The following CTNNA2 variants were observed in gnomAD, a reference collection of about 807,000 sequenced individuals.
CTNNA2 encodes the protein catenin alpha-2.
CTNNA2 carries 42 observed loss-of-function variants against 101.0 expected under a neutral mutation model. The observed-to-expected ratio is 0.42, with a 90% CI of 0.32 to 0.54. CTNNA2 has a LOEUF of 0.54. Ranked by LOEUF, CTNNA2 falls within the 20% of genes least tolerant of loss-of-function variation. The probability of loss-of-function intolerance (pLI) is 0.14; values close to 1 mark genes in which losing one functional copy is unlikely to be tolerated. For synonymous variants in CTNNA2, 450 were observed against 456.4 expected (o/e 0.99, Z 0.18); for missense variants, 871 against 1,223.1 (o/e 0.71, Z 4.29).
chr2:79,612,764 G>A (rs375288946), intron 1 of CTNNA2, among the ~76,000 whole-genome samples: 136 of 152,178 alleles, frequency 8.9e-4, no homozygotes, highest in South Asian at 4.8e-3. Context: ...GTAATGTAAA[G>A]AATGAATCAA....
At chr2:79,958,637 C>T (rs1689409893) in intron 7 of CTNNA2, among the ~76,000 whole-genome samples, 1 of 152,106 alleles carries the variant, frequency 6.6e-6, no homozygotes, top group Admixed American at 6.5e-5. Context: ...GATTTTAGTC[C>T]AGTGAGACCC....
chr2:80,210,225 T>A (rs907294032), intron 7 of CTNNA2, among the ~76,000 whole-genome samples: 4 of 152,238 alleles, frequency 2.6e-5, no homozygotes, highest in African/African-American at 9.6e-5. Context: ...TCTTTCTTTT[T>A]TATTAGACTT....
At chr2:80,116,902 A>T (rs1024055392) in intron 7 of CTNNA2, among the ~76,000 whole-genome samples, 22 of 143,628 alleles carry the variant, frequency 1.5e-4, no homozygotes, top group Admixed American at 7.0e-4. Flanking sequence ...AGAAGAAAAT[A>T]GTGTGTGTGT....
At chr2:80,300,333 T>A (rs1573636475) in intron 7 of CTNNA2, among the ~76,000 whole-genome samples, 1 of 132,596 alleles carries the variant, frequency 7.5e-6, no homozygotes, top group African/African-American at 2.7e-5. Context: ...TGTGTGTGTG[T>A]AAGAAGCTGT....
At chr2:79,849,349 C>CA (rs1680492324) in intron 3 of CTNNA2, among the ~76,000 whole-genome samples, 1 of 151,186 alleles carries the variant, frequency 6.6e-6, no homozygotes, top group South Asian at 2.1e-4. Context: ...TTATTTAAGC[C>CA]AAATATTATC....
chr2:79,943,248 C>T (rs976354836), intron 7 of CTNNA2, among the ~76,000 whole-genome samples: 1 of 151,538 alleles, frequency 6.6e-6, no homozygotes, highest in African/African-American at 2.4e-5. Context: ...ACACTTAGTT[C>T]ATAAAACAAC....
chr2:80,490,768 AT>A (rs1236507456), intron 9 of CTNNA2, among the ~76,000 whole-genome samples: 1 of 152,116 alleles, frequency 6.6e-6, no homozygotes, highest in Non-Finnish European at 1.5e-5. Context: ...GTCGCTGACA[AT>A]TTTTTTCTTG....
chr2:80,174,498 A>G (rs1705273629), intron 7 of CTNNA2, among the ~76,000 whole-genome samples: 1 of 152,072 alleles, frequency 6.6e-6, no homozygotes, highest in African/African-American at 2.4e-5. Context: ...GCTCATTTAC[A>G]CAATCCTAGG....
At chr2:79,383,187 G>T (rs1018417845) in intron 4 of CTNNA2, among the ~76,000 whole-genome samples, 1 of 152,192 alleles carries the variant, frequency 6.6e-6, no homozygotes, top group African/African-American at 2.4e-5. Flanking sequence ...AAGATAAAGT[G>T]CCTTTCAGAA....
intron 9 of CTNNA2, among the ~76,000 whole-genome samples, chr2:80,483,500 C>T (rs139738696): frequency 2.0e-5 from 3 of 152,054 alleles, no homozygotes; most frequent in Non-Finnish European, 2.9e-5. Flanking sequence ...TAATTCAACT[C>T]ATTCAATCCT....
At chr2:79,560,154 A>T (rs957576668) in intron 1 of CTNNA2, among the ~76,000 whole-genome samples, 2 of 151,270 alleles carry the variant, frequency 1.3e-5, no homozygotes, top group Non-Finnish European at 2.9e-5. Context: ...GTGGCTTTTT[A>T]AACAGTATTA....
At chr2:79,526,263 G>A (rs2103902639) in intron 1 of CTNNA2, among the ~76,000 whole-genome samples, 1 of 151,890 alleles carries the variant, frequency 6.6e-6, no homozygotes, top group African/African-American at 2.4e-5. Context: ...TACTGTTACT[G>A]TTTGCGTTTT....
At chr2:79,825,837 T>TACA (rs1678395353) in intron 3 of CTNNA2, among the ~76,000 whole-genome samples, 1 of 152,180 alleles carries the variant, frequency 6.6e-6, no homozygotes, top group Non-Finnish European at 1.5e-5. Flanking sequence ...TAGGAGAAGA[T>TACA]ACAAATACTC....
At chr2:79,680,137 A>G (rs1259741718) in intron 2 of CTNNA2, among the ~76,000 whole-genome samples, 1 of 146,194 alleles carries the variant, frequency 6.8e-6, no homozygotes, top group African/African-American at 2.5e-5. Flanking sequence ...GGCCACTTTT[A>G]CCATGAATGT....
At chr2:80,358,344 T>C (rs1037952642) in intron 7 of CTNNA2, among the ~76,000 whole-genome samples, 1 of 99,724 alleles carries the variant, frequency 1.0e-5, no homozygotes, top group Non-Finnish European at 1.7e-5. Context: ...AGTATTCTAC[T>C]TTTTTTTTTT....
At chr2:79,349,080 C>A (rs575968012) in intron 3 of CTNNA2, among the ~76,000 whole-genome samples, 1 of 152,292 alleles carries the variant, frequency 6.6e-6, no homozygotes, top group South Asian at 2.1e-4. Context: ...AACTGACTCA[C>A]CTTGTCCACA....
chr2:79,538,611 C>T (rs573450753), intron 1 of CTNNA2, among the ~76,000 whole-genome samples: 2 of 152,226 alleles, frequency 1.3e-5, no homozygotes, highest in South Asian at 4.1e-4. Flanking sequence ...GAAATAGTAA[C>T]ATTCTATGGG....
intron 1 of CTNNA2, among the ~76,000 whole-genome samples, chr2:79,640,652 A>G (rs1573546328): frequency 6.6e-6 from 1 of 152,232 alleles, no homozygotes; most frequent in African/African-American, 2.4e-5. Context: ...ATATTTTAAA[A>G]GCTATTATTC....
At chr2:79,482,991 T>G in intron 4 of CTNNA2, among the ~76,000 whole-genome samples, 1 of 152,178 alleles carries the variant, frequency 6.6e-6, no homozygotes, top group East Asian at 1.9e-4. Context: ...TCAACAGCAC[T>G]AACACTGGCA....
Sources: allele counts gnomAD v4.1 joint callset (sites outside exome capture counted in the v4.1 genomes callset), GRCh38; gene constraint gnomAD v4.1.1; transcripts MANE v1.5; gene names NCBI Gene and HGNC (gene_info 2026-07-23, HGNC 2026-07-21).